The following ARHGEF3 variants were observed in gnomAD, a reference collection of about 807,000 sequenced individuals.
ARHGEF3 encodes 59.8 kDA protein.
Under a neutral mutation model 63.2 loss-of-function variants are expected in ARHGEF3, and 28 were observed. The ratio of observed to expected loss-of-function variants is 0.44; its 90% confidence interval spans 0.33 to 0.61. The LOEUF (loss-of-function observed/expected upper bound fraction) is 0.61, where lower values mean the gene tolerates loss of function less well. Among genes scored for constraint, ARHGEF3 ranks in the 20% least tolerant of loss-of-function variants. The pLI is 0.03. For missense variants in ARHGEF3, 533 were observed against 659.3 expected (o/e 0.81, Z 2.10); for synonymous variants, 266 against 254.2 (o/e 1.05, Z -0.44).
At chr3:57,032,782 TAGA>T (rs1394860410) in intron 2 of ARHGEF3, among the ~76,000 whole-genome samples, 2 of 152,084 alleles carry the variant, frequency 1.3e-5, no homozygotes, top group African/African-American at 4.8e-5. Flanking sequence ...CCCCTAGGGT[TAGA>T]AGGAGAAGCA....
At chr3:56,967,762 TATATA>T (rs1289470520) in intron 2 of ARHGEF3, among the ~76,000 whole-genome samples, 166 of 82,058 alleles carry the variant, frequency 2.0e-3, no homozygotes, top group African/African-American at 3.3e-3. Context: ...TATACAATTA[TATATA>T]ATATATTATA....
intron 8 of ARHGEF3, among the ~76,000 whole-genome samples, chr3:56,736,327 T>C (rs371549596): frequency 2.0e-5 from 3 of 152,334 alleles, no homozygotes; most frequent in African/African-American, 7.2e-5. Flanking sequence ...CCAAGGGAGA[T>C]ATACACAGTT....
chr3:57,057,942 GT>G (rs1705016427), intron 1 of ARHGEF3, among the ~76,000 whole-genome samples: 1 of 152,172 alleles, frequency 6.6e-6, no homozygotes, highest in Non-Finnish European at 1.5e-5. Flanking sequence ...GAGTCAGTCA[GT>G]TTTGCCACCA....
intron 2 of ARHGEF3, among the ~76,000 whole-genome samples, chr3:57,000,379 C>A (rs1263133728): frequency 6.6e-6 from 1 of 151,308 alleles, no homozygotes; most frequent in Non-Finnish European, 1.5e-5. Flanking sequence ...TGGATCCTTC[C>A]CTGATCATAG....
chr3:57,035,139 G>A (rs971942605), exon 2 of ARHGEF3: 1 of 1,547,526 alleles, frequency 6.5e-7, no homozygotes, highest in Non-Finnish European at 8.7e-7. Flanking sequence ...CATTGCTGTG[G>A]AACTGTCCAT....
chr3:57,071,081 C>T (rs1369253196), intron 1 of ARHGEF3, among the ~76,000 whole-genome samples: 1 of 151,790 alleles, frequency 6.6e-6, no homozygotes, highest in East Asian at 1.9e-4. Flanking sequence ...GTAGTCAAGA[C>T]AGTATAGACA....
chr3:56,901,340 A>C (rs1235330849), intron 3 of ARHGEF3, among the ~76,000 whole-genome samples: 2 of 151,520 alleles, frequency 1.3e-5, no homozygotes, highest in African/African-American at 4.8e-5. Context: ...GAAAGGGCAA[A>C]ATGGAGAGTA....
chr3:56,944,568 CTTTTTTT>C (rs1205155655), intron 3 of ARHGEF3, among the ~76,000 whole-genome samples: 25 of 65,838 alleles, frequency 3.8e-4, no homozygotes, highest in Middle Eastern at 0.015. Flanking sequence ...AAAGTGGTTT[CTTTTTTT>C]TTTTTTTTTT....
chr3:57,054,643 ATTTT>A (rs544195887), intron 1 of ARHGEF3, among the ~76,000 whole-genome samples: 2 of 121,098 alleles, frequency 1.7e-5, no homozygotes, highest in African/African-American at 3.0e-5. Flanking sequence ...CATCTCAAAA[ATTTT>A]TTTTTTTTTT....
intron 2 of ARHGEF3, among the ~76,000 whole-genome samples, chr3:57,018,294 A>C (rs1231682346): frequency 2.0e-5 from 3 of 151,360 alleles, no homozygotes; most frequent in South Asian, 2.1e-4. Context: ...AAAAAAAAAA[A>C]AAAACTTTAA....
At chr3:56,861,172 C>T (rs1454005204) in intron 4 of ARHGEF3, among the ~76,000 whole-genome samples, 1 of 152,134 alleles carries the variant, frequency 6.6e-6, no homozygotes, top group Non-Finnish European at 1.5e-5. Context: ...GGGGCTGCTG[C>T]AGTATGAAGC....
chr3:56,973,678 C>T (rs1299871993), intron 2 of ARHGEF3, among the ~76,000 whole-genome samples: 1 of 152,128 alleles, frequency 6.6e-6, no homozygotes, highest in Admixed American at 6.5e-5. Context: ...TCTACTATTT[C>T]ACCAAGCAGG....
At chr3:56,920,201 C>A (rs1254874145) in intron 3 of ARHGEF3, among the ~76,000 whole-genome samples, 1 of 152,144 alleles carries the variant, frequency 6.6e-6, no homozygotes, top group East Asian at 1.9e-4. Context: ...AGAGTTGAAT[C>A]ATATATTTAT....
chr3:57,049,194 A>T (rs935312053), intron 1 of ARHGEF3, among the ~76,000 whole-genome samples: 1 of 152,074 alleles, frequency 6.6e-6, no homozygotes. Flanking sequence ...ACATAGTGAG[A>T]CCCCATCTCT....
At chr3:56,844,430 T>G (rs911720361) in intron 4 of ARHGEF3, among the ~76,000 whole-genome samples, 4 of 152,178 alleles carry the variant, frequency 2.6e-5, no homozygotes, top group Non-Finnish European at 4.4e-5. Flanking sequence ...GAATCTTGTC[T>G]GCCTCTGTTA....
intron 2 of ARHGEF3, among the ~76,000 whole-genome samples, chr3:57,021,436 A>T (rs942230045): frequency 1.3e-5 from 2 of 152,158 alleles, no homozygotes; most frequent in Non-Finnish European, 2.9e-5. Flanking sequence ...AAGCAAGAGG[A>T]ACTCTACATA....
intron 2 of ARHGEF3, among the ~76,000 whole-genome samples, chr3:57,017,662 G>C (rs1703076718): frequency 6.6e-6 from 1 of 152,182 alleles, no homozygotes; most frequent in African/African-American, 2.4e-5. Flanking sequence ...CTTGGCACAC[G>C]TTGGATTGAA....
chr3:56,735,645 C>T (rs1163951263), intron 8 of ARHGEF3, among the ~76,000 whole-genome samples: 2 of 152,278 alleles, frequency 1.3e-5, no homozygotes, highest in East Asian at 1.9e-4. Flanking sequence ...CTAGAAAGAA[C>T]GTTCAAGGAG....
intron 4 of ARHGEF3, among the ~76,000 whole-genome samples, chr3:56,857,040 A>G (rs1428571505): frequency 6.6e-6 from 1 of 152,290 alleles, no homozygotes; most frequent in East Asian, 1.9e-4. Context: ...CATGACTGAT[A>G]ACAAAGCCAA....
Sources: allele counts gnomAD v4.1 joint callset (sites outside exome capture counted in the v4.1 genomes callset), GRCh38; gene constraint gnomAD v4.1.1; transcripts MANE v1.5; gene names NCBI Gene and HGNC (gene_info 2026-07-23, HGNC 2026-07-21).